The following DPY19L3 variants were observed in gnomAD, a reference collection of about 807,000 sequenced individuals.
The protein encoded by DPY19L3 is protein C-mannosyl-transferase DPY19L3.
Under a neutral mutation model 92.3 loss-of-function variants are expected in DPY19L3, and 51 were observed. That is an observed-to-expected ratio of 0.55 (90% CI 0.44 to 0.70). The LOEUF is 0.70. Ranked by LOEUF, DPY19L3 falls within the 30% of genes least tolerant of loss-of-function variation. The pLI is 0.00. For missense variants in DPY19L3, 706 were observed against 855.9 expected (o/e 0.82, Z 2.18); for synonymous variants, 309 against 315.2 (o/e 0.98, Z 0.21).
intron 2 of DPY19L3, among the ~76,000 whole-genome samples, chr19:32,411,024 G>A (rs910191158): frequency 2.0e-5 from 3 of 152,150 alleles, no homozygotes; most frequent in Non-Finnish European, 4.4e-5. Context: ...CGTTGTAGTT[G>A]GCAGAATGGA....
chr19:32,449,062 GA>G (rs1269976691), intron 8 of DPY19L3, among the ~76,000 whole-genome samples: 1 of 151,936 alleles, frequency 6.6e-6, no homozygotes, highest in Admixed American at 6.6e-5. Context: ...GATGTTTTTG[GA>G]AAAAAAGCAT....
At chr19:32,460,636 G>A (rs1431673981) in intron 12 of DPY19L3, among the ~76,000 whole-genome samples, 3 of 152,074 alleles carry the variant, frequency 2.0e-5, no homozygotes, top group African/African-American at 4.8e-5. Flanking sequence ...ACCTTATAAT[G>A]GCTATGATGT....
In DPY19L3 at chr19:32,447,865, G is replaced by A. The variant is rs559817950; in HGVS notation, c.856-5280G>A. On this transcript the variant is annotated intron_variant, in intron 8 of 18. Coordinates refer to ENST00000392250, the MANE Select transcript of DPY19L3 (RefSeq NM_001172774.2). ...ATAGATAGATAGATAGATAGAGCTG[G>A]CTCTTTGAAAGATTAGTAAAATTGC... Among the ~76,000 whole-genome samples the A allele has an allele frequency of 1.4e-4, 20 of 145,344 alleles. No individual in the cohort carries two copies. The South Asian group carries it at 4.4e-3, about 32-fold the overall frequency.
intron 3 of DPY19L3, among the ~76,000 whole-genome samples, chr19:32,423,870 A>G (rs1331081457): frequency 6.6e-6 from 1 of 151,714 alleles, no homozygotes; most frequent in Non-Finnish European, 1.5e-5. Flanking sequence ...ACAATTTGCC[A>G]GGCATGGTGG....
At chr19:32,419,855 ATT>A (rs1189166828) in intron 3 of DPY19L3, among the ~76,000 whole-genome samples, 423 of 111,780 alleles carry the variant, frequency 3.8e-3, no homozygotes, top group African/African-American at 0.013. Context: ...GCACTCCCCC[ATT>A]TTTTTTTTTT....
At chr19:32,436,118 T>C (rs1969130156) in intron 4 of DPY19L3, among the ~76,000 whole-genome samples, 1 of 152,270 alleles carries the variant, frequency 6.6e-6, no homozygotes, top group Non-Finnish European at 1.5e-5. Context: ...AAGGAGATAC[T>C]GCAGGTTGCA....
At chr19:32,459,650 G>A (rs977774533) in intron 12 of DPY19L3, among the ~76,000 whole-genome samples, 1 of 152,160 alleles carries the variant, frequency 6.6e-6, no homozygotes, top group Non-Finnish European at 1.5e-5. Context: ...ACTCTGGACT[G>A]CATACAAAGC....
intron 5 of DPY19L3, among the ~76,000 whole-genome samples, chr19:32,436,930 G>A (rs941694492): frequency 2.6e-5 from 4 of 151,686 alleles, no homozygotes; most frequent in African/African-American, 9.7e-5. Context: ...TGTGAATGAC[G>A]TATCATCAGA....
chr19:32,485,397 GTGTGTGTGTGTGTGTTTC>G lies in DPY19L3; in HGVS notation c.*3162_*3179del, dbSNP rs976058706. On this transcript the variant is annotated 3_prime_UTR_variant, in exon 19 of 19. Coordinates refer to ENST00000392250, the MANE Select transcript of DPY19L3 (RefSeq NM_001172774.2). ...TGTGAGATCAGCGTGACAGGAGTGT[GTGTGTGTGTGTGTGTTTC>G]TGTGGGTGTGTGGTTTTGGTTGGGT... is the stretch of plus-strand genomic sequence containing the variant. 3.9e-5 allele frequency: 6 copies of G among 152,110 alleles called. No homozygotes were observed. The highest frequency in any genetic ancestry group is 1.4e-4 in the African/African-American group (6 of 41,388). 9.4% of individuals were successfully genotyped at this position (152,110 alleles called of 1,614,324 possible). A position where few individuals can be genotyped will look rare whatever the true frequency, so the allele number is the denominator to read the frequency against.
At chr19:32,453,869 T>A (rs1969784188) in intron 9 of DPY19L3, among the ~76,000 whole-genome samples, 1 of 152,304 alleles carries the variant, frequency 6.6e-6, no homozygotes, top group Non-Finnish European at 1.5e-5. Context: ...TTTATTTATA[T>A]AATTAAATTT....
intron 3 of DPY19L3, among the ~76,000 whole-genome samples, chr19:32,420,589 A>G (rs1377967484): frequency 1.3e-5 from 2 of 151,802 alleles, no homozygotes; most frequent in Non-Finnish European, 2.9e-5. Context: ...AGCTGGGATT[A>G]TAGGTGCGCA....
intron 8 of DPY19L3, among the ~76,000 whole-genome samples, chr19:32,446,140 T>TC (rs930134517): frequency 6.6e-6 from 1 of 152,160 alleles, no homozygotes; most frequent in African/African-American, 2.4e-5. Flanking sequence ...GTTCTATGCC[T>TC]CACTCAAACA....
At chr19:32,427,980 T>TC (rs1968823129) in intron 3 of DPY19L3, 2 of 149,236 alleles carry the variant, frequency 1.3e-5, no homozygotes, top group Admixed American at 6.7e-5. Flanking sequence ...TTTTTTTTTT[T>TC]TTTTTTTTTG....
Position 32,420,597 on chromosome 19 carries a change from G to A in DPY19L3, c.237+9225G>A, listed in dbSNP as rs572820978. On this transcript the variant is annotated intron_variant, in intron 3 of 18. Coordinates refer to ENST00000392250, the MANE Select transcript of DPY19L3 (RefSeq NM_001172774.2). The stretch of plus-strand genomic sequence containing the variant: ...GTAGAGTAGCTGGGATTATAGGTGC[G>A]CACCACCGTGCCCAGCTAACTTTTG... Among the ~76,000 whole-genome samples, 56 of 151,864 alleles carry A rather than the reference G, an allele frequency of 3.7e-4. No homozygotes were observed. In the East Asian group the frequency reaches 6.8e-3, roughly 18 times the overall value.
At chr19:32,452,631 T>C (rs1163879721) in intron 8 of DPY19L3, among the ~76,000 whole-genome samples, 2 of 152,224 alleles carry the variant, frequency 1.3e-5, no homozygotes, top group Non-Finnish European at 2.9e-5. Flanking sequence ...TTAATTAATG[T>C]TAGAAGATTT....
At chr19:32,477,916 TC>T in intron 17 of DPY19L3, among the ~76,000 whole-genome samples, 1 of 152,246 alleles carries the variant, frequency 6.6e-6, no homozygotes, top group African/African-American at 2.4e-5. Flanking sequence ...GCAAGTCATG[TC>T]ATACATGGGT....
At chr19:32,473,233 T>G (rs1042635150) in intron 16 of DPY19L3, among the ~76,000 whole-genome samples, 1 of 152,254 alleles carries the variant, frequency 6.6e-6, no homozygotes, top group Non-Finnish European at 1.5e-5. Flanking sequence ...TTAGTGACAT[T>G]TCTTACAGAA....
At chr19:32,463,762 G>T in intron 13 of DPY19L3, 107 bp from the exon 14 acceptor site, 1 of 1,018,842 alleles carries the variant, frequency 9.8e-7, no homozygotes, top group South Asian at 1.5e-5. Context: ...ATAGTTTTAA[G>T]TAAGATTTTG....
intron 3 of DPY19L3, among the ~76,000 whole-genome samples, chr19:32,431,780 A>ACAGT (rs1968978392): frequency 6.6e-6 from 1 of 152,210 alleles, no homozygotes; most frequent in Admixed American, 6.5e-5. Context: ...ATCCCAGTGG[A>ACAGT]CAGTCTATGG....
Sources: gnomAD v4.1 joint callset for allele counts (sites outside exome capture counted in the v4.1 genomes callset) on GRCh38, gnomAD v4.1.1 for gene constraint, MANE v1.5 for transcripts, NCBI Gene and HGNC (gene_info 2026-07-23, HGNC 2026-07-21) for gene names.